Variants in TTC39A observed in about 807,000 individuals in gnomAD.
The protein encoded by TTC39A is tetratricopeptide repeat domain 39A, also known as tetratricopeptide repeat protein 39A.
In TTC39A, 46 loss-of-function variants were observed where a neutral mutation model predicts 82.3. That is an observed-to-expected ratio of 0.56 (90% CI 0.44 to 0.71). TTC39A has a LOEUF of 0.71. Ranked by LOEUF, TTC39A falls within the 30% of genes least tolerant of loss-of-function variation. The probability of loss-of-function intolerance (pLI) is 0.00; values close to 1 mark genes in which losing one functional copy is unlikely to be tolerated. For missense variants in TTC39A, 543 were observed against 712.9 expected (o/e 0.76, Z 2.71); for synonymous variants, 254 against 275.2 (o/e 0.92, Z 0.76).
At chr1:51,291,628 CAAAAAA>C (rs58825279) in intron 14 of TTC39A, among the ~76,000 whole-genome samples, 8 of 49,952 alleles carry the variant, frequency 1.6e-4, no homozygotes, top group African/African-American at 2.4e-4. Context: ...CCATCTCCAC[CAAAAAA>C]AAAAAAAAAA....
upstream of TTC39A, among the ~76,000 whole-genome samples, chr1:51,334,420 T>C (rs2148317866): frequency 6.6e-6 from 1 of 152,162 alleles, no homozygotes; most frequent in East Asian, 1.9e-4. Flanking sequence ...GAAGAATCGC[T>C]TGAACCCGGG....
intron 8 of TTC39A, among the ~76,000 whole-genome samples, chr1:51,303,563 C>T (rs931106537): frequency 1.3e-5 from 2 of 152,198 alleles, no homozygotes; most frequent in Non-Finnish European, 2.9e-5. Context: ...GCCATGGGCT[C>T]AGGGCATAGG....
intron 1 of TTC39A, among the ~76,000 whole-genome samples, chr1:51,328,784 A>G (rs1242225277): frequency 5.3e-5 from 8 of 152,228 alleles, no homozygotes. Flanking sequence ...AAGGCTTAAA[A>G]TATTTCATAA....
rs542289211 is a variant in TTC39A, at chr1:51,337,471, G to C, written c.53+7520C>G. Among the ~76,000 whole-genome samples the C allele has an allele frequency of 7.5e-4, 110 of 145,874 alleles. 1 individual carries two copies. Among genetic ancestry groups the C allele is most frequent in the African/African-American group, 2.7e-3 (106 of 38,840 alleles). On this transcript the variant is annotated intron_variant, in intron 1 of 5. Transcript: ENST00000401051. The stretch of plus-strand genomic sequence containing the variant: ...AGATGGAGTCTCACTCTGTCACCCA[G>C]GCTGGAATGAGTGGCACAGTCTTCG...
rs1398531116 is a variant in TTC39A, at chr1:51,309,351, C to G, written c.424-26G>C. 10 of 1,612,428 alleles carry G rather than the reference C, an allele frequency of 6.2e-6. No homozygotes were observed. The Admixed American group carries it at 1.7e-4, about 27-fold the overall frequency. On this transcript the variant is annotated intron_variant, in intron 5 of 17. Transcript: ENST00000680483. The stretch of plus-strand genomic sequence containing the variant: ...CTGCAGGAGGAAAAGATGCTGACGG[C>G]CTGGCCCAGGTGGGCAGCTGCAGGC...
chr1:51,338,901 C>G lies in TTC39A; in HGVS notation c.53+6090G>C, dbSNP rs183384358. 2.6e-4 allele frequency among the ~76,000 whole-genome samples: 40 copies of G among 152,310 alleles called. No homozygotes were observed. The East Asian group carries it at 5.0e-3, about 19-fold the overall frequency. ...TACAGGTGTGAGCCACTACACCCAGCCTGATTTATCCTCCTTTGAGTGGCC... is the reference window on the plus strand; with the variant it reads ...TACAGGTGTGAGCCACTACACCCAGGCTGATTTATCCTCCTTTGAGTGGCC... On this transcript the variant is annotated intron_variant, in intron 1 of 5. Transcript: ENST00000401051.
intron 1 of TTC39A, chr1:51,322,050 G>T: frequency 6.6e-7 from 1 of 1,526,212 alleles, no homozygotes; most frequent in South Asian, 1.2e-5. Flanking sequence ...TGTCATCAGA[G>T]ATCTGTTGGA....
At chr1:51,329,984 T>TG in intron 1 of TTC39A, 1 of 256,168 alleles carries the variant, frequency 3.9e-6, no homozygotes, top group Non-Finnish European at 6.1e-6. Context: ...GATGATGGGG[T>TG]GGGGGGATCT....
chr1:51,342,772 A>G (rs1226888338), intron 1 of TTC39A, among the ~76,000 whole-genome samples: 1 of 152,126 alleles, frequency 6.6e-6, no homozygotes, highest in African/African-American at 2.4e-5. Context: ...CAGGCTCACA[A>G]TGCACTTCCT....
intron 2 of TTC39A, among the ~76,000 whole-genome samples, chr1:51,314,499 C>G (rs1371997635): frequency 6.6e-6 from 1 of 152,176 alleles, no homozygotes; most frequent in Non-Finnish European, 1.5e-5. Context: ...TGACTTTACC[C>G]CTTTTCCTGC....
chr1:51,315,863 C>A (rs1645263339), intron 2 of TTC39A, among the ~76,000 whole-genome samples: 1 of 152,226 alleles, frequency 6.6e-6, no homozygotes, highest in South Asian at 2.1e-4. Context: ...TTCCAGTAAG[C>A]CTTCCAGGGC....
rs572305621 is a variant in TTC39A, at chr1:51,296,192, C to T, written c.1054-22G>A. ...TGGCCTGTGCGAGACAGAGCAACAG[C>T]CAGGTGTGAGCAGCCCTCCTCCAGC... On this transcript the variant is annotated intron_variant, in intron 12 of 17. Transcript: ENST00000680483. 449 of 1,570,378 alleles carry T rather than the reference C, an allele frequency of 2.9e-4. 5 individuals are homozygous for T. The South Asian group carries it at 4.9e-3, about 17-fold the overall frequency.
intron 12 of TTC39A, chr1:51,299,408 C>T (rs1231613701): frequency 6.6e-6 from 1 of 152,290 alleles, no homozygotes; most frequent in Non-Finnish European, 1.5e-5. Context: ...CAGCTGACCT[C>T]GGAGGATCCT....
In TTC39A at chr1:51,294,972, T is replaced by C. The variant is rs1035024664; in HGVS notation, c.1146-461A>G. On this transcript the variant is annotated intron_variant, in intron 13 of 17. Transcript: ENST00000680483. This position sits in a 1 kb window ranked among gnomAD's most constrained non-coding sequence, Gnocchi z 4.3. ...CGCGAGTTCTGGCCTTCTCAGCTGT[T>C]TCCAAGGGCAGAGCAAAATGCGGTA... Among the ~76,000 whole-genome samples the C allele has an allele frequency of 2.0e-5, 3 of 152,202 alleles. No individual in the cohort carries two copies. Among genetic ancestry groups the C allele is most frequent in the African/African-American group, 7.2e-5 (3 of 41,452 alleles).
At chr1:51,322,073 G>A in intron 1 of TTC39A, 1 of 1,544,196 alleles carries the variant, frequency 6.5e-7, no homozygotes, top group Non-Finnish European at 8.7e-7. Flanking sequence ...TGGGGGAGGG[G>A]CCAAGGGCAA....
chr1:51,296,274 G>T, intron 12 of TTC39A, 104 bp from the exon 13 acceptor site: 4 of 1,085,894 alleles, frequency 3.7e-6, no homozygotes, highest in Non-Finnish European at 4.1e-6. Context: ...AGGAGCTCCC[G>T]TTGTCTCCAA....
At chr1:51,339,580 C>T (rs980559927) in intron 1 of TTC39A, among the ~76,000 whole-genome samples, 1 of 152,120 alleles carries the variant, frequency 6.6e-6, no homozygotes, top group African/African-American at 2.4e-5. Context: ...AGGGCCATAA[C>T]ATCATAAAAT....
rs375261834 is a variant in TTC39A at position 51,298,385 on chromosome 1, C to T, written c.1054-2215G>A. Reference sequence around the variant, plus strand: ...TGCCCTAACCTTTCTTTTTCTGGCTCATCTTCTGCCATTTCCTCCCCTACA... The same window carrying T: ...TGCCCTAACCTTTCTTTTTCTGGCTTATCTTCTGCCATTTCCTCCCCTACA... On this transcript the variant is annotated intron_variant, in intron 12 of 17. Coordinates refer to ENST00000680483, the MANE Select transcript of TTC39A (RefSeq NM_001297663.2). 2.8e-3 allele frequency: 432 copies of T among 152,726 alleles called. 1 individual carries two copies. The highest frequency in any genetic ancestry group is 7.7e-3 in the South Asian group (37 of 4,830). The allele number at this position is 152,726 out of a possible 1,614,324, so 9.5% of individuals were successfully genotyped here.
At chr1:51,331,232 C>G (rs1372512120), upstream of TTC39A, 16 of 1,549,798 alleles carry the variant, frequency 1.0e-5, no homozygotes, top group Non-Finnish European at 1.4e-5. Context: ...CCCCCTTGGC[C>G]CCCTCTCCCC....
Sources: gnomAD v4.1 joint callset for allele counts (sites outside exome capture counted in the v4.1 genomes callset) on GRCh38, gnomAD v4.1.1 for gene constraint, Gnocchi (gnomAD v3.1) non-coding constraint, MANE v1.5 for transcripts, NCBI Gene and HGNC (gene_info 2026-07-23, HGNC 2026-07-21) for gene names.